URB1: variants seen among roughly 807,000 people sequenced by gnomAD.
The protein encoded by URB1 is URB1 ribosome biogenesis factor, also known as nucleolar pre-ribosomal-associated protein 1.
In URB1, 197 loss-of-function variants were observed where a neutral mutation model predicts 242.3. That is an observed-to-expected ratio of 0.81 (90% CI 0.72 to 0.91). The LOEUF is 0.91. Among genes scored for constraint, URB1 ranks in the 40% least tolerant of loss-of-function variants. URB1 has a pLI of 0.00. For synonymous variants in URB1, 1,153 were observed against 1,201.8 expected (o/e 0.96, Z 0.84); for missense variants, 2,721 against 2,860.5 (o/e 0.95, Z 1.11).
chr21:32,384,234 A>G, intron 3 of URB1, 79 bp downstream of exon 3: 1 of 1,481,328 alleles, frequency 6.8e-7, no homozygotes, highest in Non-Finnish European at 9.1e-7. Context: ...AAAGGTACTG[A>G]CCAAATGCAC....
At chr21:32,350,263 A>AGAATTT (rs1400461375) in intron 20 of URB1, among the ~76,000 whole-genome samples, 1 of 152,168 alleles carries the variant, frequency 6.6e-6, no homozygotes, top group Non-Finnish European at 1.5e-5. Flanking sequence ...GTGAGAACCC[A>AGAATTT]TCTCTTCAAA....
intron 19 of URB1, 137 bp from the exon 20 acceptor site, chr21:32,351,059 A>G: frequency 1.1e-6 from 1 of 898,496 alleles, no homozygotes; most frequent in Non-Finnish European, 1.7e-6. Flanking sequence ...CGAATACGGG[A>G]CCGTGTGGCA....
intron 15 of URB1, 122 bp downstream of exon 15, chr21:32,357,414 TA>T (rs1365762049): frequency 1.8e-6 from 2 of 1,117,252 alleles, no homozygotes; most frequent in African/African-American, 3.3e-5. Context: ...TAAAACCTTC[TA>T]TTTTAAAACT....
At chr21:32,369,536 T>G (rs941030879) in intron 8 of URB1, among the ~76,000 whole-genome samples, 9 of 152,204 alleles carry the variant, frequency 5.9e-5, no homozygotes, top group Non-Finnish European at 1.2e-4. Flanking sequence ...CATAGCTCAC[T>G]GCAGCCTCGA....
chr21:32,337,389 C>T lies in URB1; in HGVS notation c.4621+15G>A. ...CCCTCCCCCTGCTCACACTACCCAG[C>T]CCTCACACCCTCACCTAGGACGCTG... On this transcript the variant is annotated intron_variant, in intron 27 of 38. Transcript: ENST00000382751. The T allele has an allele frequency of 1.9e-6, 3 of 1,546,734 alleles. No individual in the cohort carries two copies. The highest frequency in any genetic ancestry group is 1.7e-4 in the Middle Eastern group (1 of 5,970).
intron 4 of URB1, among the ~76,000 whole-genome samples, chr21:32,382,286 C>T (rs757178546): frequency 1.8e-4 from 28 of 152,320 alleles, no homozygotes; most frequent in Non-Finnish European, 3.8e-4. Context: ...ATAGCACACA[C>T]ATTCTTTTTA....
intron 26 of URB1, among the ~76,000 whole-genome samples, chr21:32,338,129 G>A (rs867254099): frequency 3.3e-5 from 5 of 152,148 alleles, no homozygotes; most frequent in South Asian, 2.1e-4. Context: ...TAATACTTCC[G>A]GGTGTGAATT....
At chr21:32,337,068 T>C in intron 28 of URB1, 26 bp downstream of exon 28, 1 of 1,550,580 alleles carries the variant, frequency 6.4e-7, no homozygotes, top group Non-Finnish European at 8.7e-7. Context: ...CCTCAAGGCC[T>C]AGTCTACCTC....
At chr21:32,317,178 C>A in intron 37 of URB1, 113 bp from the exon 38 acceptor site, 1 of 1,394,352 alleles carries the variant, frequency 7.2e-7, no homozygotes, top group Non-Finnish European at 9.4e-7. Flanking sequence ...ATGTCCTGAG[C>A]ACCCGGCCCT....
chr21:32,363,814 G>A (rs1273206628), intron 10 of URB1, among the ~76,000 whole-genome samples: 1 of 151,754 alleles, frequency 6.6e-6, no homozygotes, highest in Non-Finnish European at 1.5e-5. Context: ...GGCACCTACT[G>A]CTTCTGGCTT....
rs1601146134 is a variant in URB1 at position 32,361,989 on chromosome 21, G to C, written c.1542C>G (p.Val514=). 6.4e-7 allele frequency: 1 copy of C among 1,551,542 alleles called. No homozygotes were observed. Among genetic ancestry groups the C allele is most frequent in the Non-Finnish European group, 8.7e-7 (1 of 1,146,912 alleles). ...TCTCTTGCTTTTTAAGTGACTGCCA[G>C]ACCCACACGACAGTGTTCAGGTCTG... ...ILPDLNTVVW[V]WQSLKKQETK... Residue 514 remains valine (V), a synonymous_variant, in exon 12 of 39, where the codon GTC becomes GTG. Transcript: ENST00000382751.
At chr21:32,350,678 C>T (rs779430304) in intron 20 of URB1, 26 bp downstream of exon 20, 15 of 1,547,198 alleles carry the variant, frequency 9.7e-6, no homozygotes, top group Non-Finnish European at 1.1e-5. Flanking sequence ...GCTCTGAAGC[C>T]TGTGGAGGAT....
intron 8 of URB1, among the ~76,000 whole-genome samples, chr21:32,369,391 T>C (rs1158715375): frequency 6.6e-6 from 1 of 152,106 alleles, no homozygotes; most frequent in Admixed American, 6.5e-5. Flanking sequence ...TAAATACATA[T>C]GTGAGTGTGA....
At chr21:32,361,789 A>G in intron 12 of URB1, 103 bp downstream of exon 12, 1 of 1,441,350 alleles carries the variant, frequency 6.9e-7, no homozygotes. Context: ...CCTTGAAACA[A>G]AAACTGCTCC....
At chr21:32,327,710 C>T (rs1305355926) in intron 30 of URB1, among the ~76,000 whole-genome samples, 3 of 152,136 alleles carry the variant, frequency 2.0e-5, no homozygotes, top group African/African-American at 4.8e-5. Context: ...TAATGCATGA[C>T]AAGAATAGCA....
intron 36 of URB1, among the ~76,000 whole-genome samples, chr21:32,318,448 TC>T (rs1366604542): frequency 6.6e-6 from 1 of 152,238 alleles, no homozygotes; most frequent in African/African-American, 2.4e-5. Flanking sequence ...AGCAACTGGT[TC>T]TTAGACACCA....
intron 6 of URB1, 71 bp downstream of exon 6, chr21:32,375,327 T>C (rs1470352730): frequency 2.9e-6 from 3 of 1,017,100 alleles, no homozygotes; most frequent in Non-Finnish European, 4.3e-6. Context: ...TACAGTCCTG[T>C]AAAACACCGG....
Position 32,317,716 on chromosome 21 carries a change from C to A in URB1, c.5994G>T (p.Leu1998=). 5 of 1,551,790 alleles carry A rather than the reference C, an allele frequency of 3.2e-6. No homozygotes were observed. The highest frequency in any genetic ancestry group is 4.4e-6 in the Non-Finnish European group (5 of 1,147,020). The change falls in exon 37 of 39, where the codon CTG becomes CTT. Residue 1998 remains leucine, a synonymous_variant. Coordinates refer to ENST00000382751, the MANE Select transcript of URB1 (RefSeq NM_014825.3). ...IERDLKLQED[L]RAAIEKAQAR... ...CTTGGGCCTTCTCAATGGCTGCTCT[C>A]AGGTCTTCCTGGAGCTTGAGGTCTC...
chr21:32,382,841 A>G (rs2146053543), intron 4 of URB1, among the ~76,000 whole-genome samples: 1 of 152,234 alleles, frequency 6.6e-6, no homozygotes, highest in South Asian at 2.1e-4. Context: ...CCCAAGTGAA[A>G]TTTCAAAAGC....
Sources: allele counts gnomAD v4.1 joint callset (sites outside exome capture counted in the v4.1 genomes callset), GRCh38; gene constraint gnomAD v4.1.1; transcripts MANE v1.5; gene names NCBI Gene and HGNC (gene_info 2026-07-23, HGNC 2026-07-21).